Variants in EIF2D observed in about 807,000 individuals in gnomAD.
EIF2D encodes the protein eukaryotic translation initiation factor 2D.
A neutral mutation model predicts 77.4 loss-of-function variants in EIF2D; 56 were observed. The observed-to-expected ratio is 0.72, with a 90% confidence interval of 0.58 to 0.90. The LOEUF is 0.90. Ranked by LOEUF, EIF2D falls within the 40% of genes least tolerant of loss-of-function variation. The probability of loss-of-function intolerance (pLI) is 0.00; values close to 1 mark genes in which losing one functional copy is unlikely to be tolerated. For missense variants in EIF2D, 574 were observed against 706.5 expected, an observed-to-expected ratio of 0.81 and a Z score of 2.13; for synonymous variants, 230 against 271.0, an observed-to-expected ratio of 0.85 and a Z score of 1.49.
At chr1:206,585,991 G>A (rs1669096432) in intron 2 of EIF2D, 1 of 152,232 alleles carries the variant, frequency 6.6e-6, no homozygotes, top group Non-Finnish European at 1.5e-5. Flanking sequence ...TTTGGAAAAA[G>A]TACTCCATGG....
At chr1:206,572,555 AC>A (rs1668485888) in intron 5 of EIF2D, 1 of 152,002 alleles carries the variant, frequency 6.6e-6, no homozygotes, top group Non-Finnish European at 1.5e-5. Flanking sequence ...TCCCGAGAAA[AC>A]CCTCAGCCCC....
rs114610339 is a variant in EIF2D at position 206,575,009 on chromosome 1, G to A, written c.*255-2310C>T. On this transcript the variant is annotated intron_variant and NMD_transcript_variant, in intron 4 of 5. Transcript: ENST00000472709. ...CGAGTAGTTGGGATTACAGGCGCACGGATAATTTTTTTGTTTTTGTTTTTG... is the reference window on the plus strand; with the variant it reads ...CGAGTAGTTGGGATTACAGGCGCACAGATAATTTTTTTGTTTTTGTTTTTG... Among the ~76,000 whole-genome samples, 712 of 147,922 alleles carry A rather than the reference G, an allele frequency of 4.8e-3. 4 individuals carry two copies. Among genetic ancestry groups the A allele is most frequent in the African/African-American group, 0.017 (674 of 40,634 alleles).
At chr1:206,578,739 T>C (rs971354023) in intron 4 of EIF2D, among the ~76,000 whole-genome samples, 1 of 152,118 alleles carries the variant, frequency 6.6e-6, no homozygotes, top group Non-Finnish European at 1.5e-5. Flanking sequence ...CCCCCTCTCA[T>C]TGCCACAGCA....
chr1:206,598,140 C>T lies in EIF2D; in HGVS notation c.1292+863G>A, dbSNP rs565865527. Among the ~76,000 whole-genome samples, 4 of 152,030 alleles carry T rather than the reference C, an allele frequency of 2.6e-5. No individual in the cohort carries two copies. The South Asian group carries it at 6.2e-4, about 24-fold the overall frequency. ...GCAGCCTCAACCTCTTGGGCTCAAG[C>T]GATCCTCCCACCTCAACCTCCCAAG... On this transcript the variant is annotated intron_variant, in intron 11 of 14. Coordinates refer to ENST00000271764, the MANE Select transcript of EIF2D (RefSeq NM_006893.3).
chr1:206,605,138 G>A, intron 5 of EIF2D: 1 of 334,792 alleles, frequency 3.0e-6, no homozygotes. Context: ...TCACTGTACT[G>A]AGAGGCAGAG....
chr1:206,580,517 C>A (rs1668829323), intron 4 of EIF2D, among the ~76,000 whole-genome samples: 1 of 152,134 alleles, frequency 6.6e-6, no homozygotes, highest in Admixed American at 6.5e-5. Context: ...CAGGGTCAGG[C>A]ACATCTGGTC....
chr1:206,584,802 T>G lies in EIF2D; in HGVS notation c.139-3640A>C. On this transcript the variant is annotated intron_variant and NMD_transcript_variant, in intron 2 of 5. Coordinates refer to the EIF2D transcript ENST00000472709. This position sits in a 1 kb window ranked among gnomAD's most constrained non-coding sequence, Gnocchi z 4.9. Reference sequence around the variant, plus strand: ...GTGGGCTTCTCCTGAGCACCAGGGGTCCAGCTGCCCATGTGGTGTTCAGAT... The same window carrying G: ...GTGGGCTTCTCCTGAGCACCAGGGGGCCAGCTGCCCATGTGGTGTTCAGAT... The G allele has an allele frequency of 9.4e-7, 1 of 1,060,120 alleles. No homozygotes were observed. Among genetic ancestry groups the G allele is most frequent in the Non-Finnish European group, 1.4e-6 (1 of 722,162 alleles). 65.7% of individuals were successfully genotyped at this position (1,060,120 alleles called of 1,614,324 possible).
chr1:206,593,629 C>T lies in EIF2D; in HGVS notation c.1674G>A (p.Trp558Ter). 4 of 1,606,830 alleles carry T rather than the reference C, an allele frequency of 2.5e-6. No individual in the cohort carries two copies. Among genetic ancestry groups the T allele is most frequent in the Non-Finnish European group, 3.4e-6 (4 of 1,174,744 alleles). The stretch of plus-strand genomic sequence containing the variant: ...AGAGGGGATGCTCACCAAGCAATAG[C>T]CAGCCGAGGTGGTGGACCTGGTTTC... Reference protein sequence around the residue: ...IQGNQVHHLGWLLLEEYQLPR... With the variant: ...IQGNQVHHLG The change falls in exon 14 of 15, where the codon TGG (tryptophan) becomes TGA (stop). Residue 558 changes from tryptophan (W) to a stop codon, truncating the protein, a stop_gained. Transcript: ENST00000271764. LOFTEE classifies it high-confidence loss of function.
rs191387714 is a variant in EIF2D, at chr1:206,610,752, C to T, written c.247+432G>A. Reference sequence around the variant, plus strand: ...AAGAGAATGGTGTGAACCCAGGAGGCGGAGCTTGCAGTGAGCTGAGATTGC... The same window carrying T: ...AAGAGAATGGTGTGAACCCAGGAGGTGGAGCTTGCAGTGAGCTGAGATTGC... On this transcript the variant is annotated intron_variant, in intron 2 of 14. Transcript: ENST00000271764. Among the ~76,000 whole-genome samples, 456 of 151,890 alleles carry T rather than the reference C, an allele frequency of 3.0e-3. 2 individuals carry two copies. The highest frequency in any genetic ancestry group is 0.011 in the African/African-American group (445 of 41,410).
rs782535220 is a variant in EIF2D, at chr1:206,592,461, G to A, written c.1685-616C>T. ...CCTCTGAGGTCAGGTGGGCTTGGGCGTGGGAGGGCATCTTAGGCAAGGGGA... is the reference window on the plus strand; with the variant it reads ...CCTCTGAGGTCAGGTGGGCTTGGGCATGGGAGGGCATCTTAGGCAAGGGGA... On this transcript the variant is annotated intron_variant, in intron 14 of 14. Coordinates refer to ENST00000271764, the MANE Select transcript of EIF2D (RefSeq NM_006893.3). The surrounding 1 kb of genome is among the most constrained non-coding windows in gnomAD (Gnocchi z 4.7). Among the ~76,000 whole-genome samples, 6 of 152,230 alleles carry A rather than the reference G, an allele frequency of 3.9e-5. No individual in the cohort carries two copies. The highest frequency in any genetic ancestry group is 7.3e-5 in the Non-Finnish European group (5 of 68,044).
chr1:206,587,041 G>T (rs1404259448), downstream of EIF2D: 3 of 1,584,952 alleles, frequency 1.9e-6, no homozygotes, highest in Non-Finnish European at 2.6e-6. Context: ...TTATTATTTT[G>T]CAACAGACAC....
intron 2 of EIF2D, among the ~76,000 whole-genome samples, chr1:206,610,369 C>T (rs1486531568): frequency 1.3e-5 from 2 of 152,146 alleles, no homozygotes; most frequent in African/African-American, 4.8e-5. Flanking sequence ...AAATTTTAAA[C>T]GTAGCCAGAC....
chr1:206,593,498 AGAGAGAGAGAGTGTGT>A (rs1306042791), intron 14 of EIF2D, 105 bp downstream of exon 14: 2 of 431,856 alleles, frequency 4.6e-6, no homozygotes, highest in Admixed American at 1.2e-4. Flanking sequence ...CGAGAGAGAG[AGAGAGAGAGAGTGTGT>A]GTGTGTGTGT....
At chr1:206,610,039 T>C (rs1553413569) in intron 2 of EIF2D, among the ~76,000 whole-genome samples, 1 of 152,080 alleles carries the variant, frequency 6.6e-6, no homozygotes, top group Non-Finnish European at 1.5e-5. Context: ...ACTGAGTCCC[T>C]GAGATTTGTG....
rs78042564 is a variant in EIF2D at position 206,596,819 on chromosome 1, G to A, written c.1388+281C>T. 4.7e-3 allele frequency among the ~76,000 whole-genome samples: 713 copies of A among 152,148 alleles called. 1 individual carries two copies. The highest frequency in any genetic ancestry group is 0.016 in the African/African-American group (674 of 41,490). On this transcript the variant is annotated intron_variant, in intron 12 of 14. Transcript: ENST00000271764. Reference sequence around the variant, plus strand: ...TACCGCCTCCGCCTCCCAAAGTGCTGGGACTACAGGCATGCACCACTATGC... The same window carrying A: ...TACCGCCTCCGCCTCCCAAAGTGCTAGGACTACAGGCATGCACCACTATGC...
chr1:206,602,305 G>T (rs375027964), intron 7 of EIF2D, 31 bp downstream of exon 7: 2 of 1,590,844 alleles, frequency 1.3e-6, no homozygotes, highest in South Asian at 1.1e-5. Context: ...CCCCGGCCCC[G>T]GCCTCCAGCC....
At chr1:206,572,751 A>C (rs1668491724) in intron 4 of EIF2D, 1 of 152,270 alleles carries the variant, frequency 6.6e-6, no homozygotes, top group South Asian at 2.1e-4. Flanking sequence ...AAAGTGTTTT[A>C]ATATAGGATA....
In EIF2D at chr1:206,584,465, C is replaced by A. The variant is rs782709734; in HGVS notation, c.139-3303G>T. On this transcript the variant is annotated intron_variant and NMD_transcript_variant, in intron 2 of 5. Transcript: ENST00000472709. The surrounding 1 kb of genome is among the most constrained non-coding windows in gnomAD (Gnocchi z 4.9). ...GCCTGTGACGGTGCCTGCTGGGATC[C>A]GGCCCCAGTCCATCTATGATGCCAT... 13 of 1,614,156 alleles carry A rather than the reference C, an allele frequency of 8.1e-6. No individual in the cohort carries two copies. The highest frequency in any genetic ancestry group is 3.3e-4 in the Middle Eastern group (2 of 6,062).
intron 4 of EIF2D, among the ~76,000 whole-genome samples, chr1:206,606,518 T>A (rs1670208868): frequency 6.6e-6 from 1 of 151,960 alleles, no homozygotes; most frequent in African/African-American, 2.4e-5. Context: ...AGGCCAAATA[T>A]CCATTTACAT....
Sources: allele counts gnomAD v4.1 joint callset (sites outside exome capture counted in the v4.1 genomes callset), GRCh38; gene constraint gnomAD v4.1.1; non-coding constraint Gnocchi (gnomAD v3.1); transcripts MANE v1.5; gene names NCBI Gene and HGNC (gene_info 2026-07-23, HGNC 2026-07-21).